SLC2A2: variants seen among roughly 807,000 people sequenced by gnomAD.
SLC2A2 encodes the protein solute carrier family 2 member 2.
SLC2A2 carries 36 observed loss-of-function variants against 54.5 expected under a neutral mutation model. The observed-to-expected ratio is 0.66, with a 90% CI of 0.51 to 0.87. SLC2A2 has a LOEUF of 0.87. Among genes scored for constraint, SLC2A2 ranks in the 40% least tolerant of loss-of-function variants. SLC2A2 has a pLI of 0.00. For missense variants in SLC2A2, 543 were observed against 624.3 expected (o/e 0.87, Z 1.39); for synonymous variants, 223 against 219.1 (o/e 1.02, Z -0.16).
chr3:171,007,163 G>A lies in SLC2A2; in HGVS notation c.597C>T (p.Gly199=), dbSNP rs528729853. The change falls in exon 5 of 11, where the codon GGC becomes GGT. Residue 199 remains glycine, a synonymous_variant. Transcript: ENST00000314251. ...GTFHQLAIVT[G]ILISQIIGLE... ...GAGTTTTTACCTGACTAATAAGAATGCCCGTGACGATGGCCAGCTGATGAA... is the reference window on the plus strand; with the variant it reads ...GAGTTTTTACCTGACTAATAAGAATACCCGTGACGATGGCCAGCTGATGAA... The A allele has an allele frequency of 6.8e-6, 11 of 1,609,180 alleles. No individual in the cohort carries two copies. In the African/African-American group the frequency reaches 9.4e-5, roughly 14 times the overall value.
chr3:171,018,712 G>C (rs1021443263), intron 1 of SLC2A2, 89 bp from the exon 2 acceptor site: 2 of 839,374 alleles, frequency 2.4e-6, no homozygotes, highest in Non-Finnish European at 4.1e-6. Flanking sequence ...CTTCTTACAG[G>C]CTCCACAGGC....
At chr3:171,024,138 G>A (rs1050711422) in intron 1 of SLC2A2, among the ~76,000 whole-genome samples, 1 of 152,110 alleles carries the variant, frequency 6.6e-6, no homozygotes, top group East Asian at 1.9e-4. Flanking sequence ...TATAAAATGG[G>A]TATAAAACTA....
At position 171,005,348 on chromosome 3, in the gene SLC2A2, G is replaced by A. The variant is rs916787456; in HGVS notation, c.900C>T (p.Tyr300=). The part of the protein sequence containing the change: ...SIIQLFTNSS[Y]RQPILVALML... Reference sequence around the variant, plus strand: ...TCAGTGCCACTAGAATAGGCTGTCGGTAGCTGGAATTGGTGAAGAGCTGAA... The same window carrying A: ...TCAGTGCCACTAGAATAGGCTGTCGATAGCTGGAATTGGTGAAGAGCTGAA... Residue 300 remains tyrosine, a synonymous_variant, in exon 7 of 11, where the codon TAC becomes TAT. Transcript: ENST00000314251. 2 of 1,612,914 alleles carry A rather than the reference G, an allele frequency of 1.2e-6. No individual in the cohort carries two copies. Among genetic ancestry groups the A allele is most frequent in the African/African-American group, 2.7e-5 (2 of 74,818 alleles).
At chr3:170,998,571 C>G (rs755428536) in intron 9 of SLC2A2, among the ~76,000 whole-genome samples, 175 bp from the exon 10 acceptor site, 16 of 152,122 alleles carry the variant, frequency 1.1e-4, no homozygotes, top group Admixed American at 2.0e-4. Context: ...TCATGCATAA[C>G]TCTTTAGATT....
At chr3:171,001,355 T>C (rs529654345) in intron 8 of SLC2A2, among the ~76,000 whole-genome samples, 1 of 152,148 alleles carries the variant, frequency 6.6e-6, no homozygotes, top group Non-Finnish European at 1.5e-5. Context: ...CAGGTCTTGA[T>C]TGATTTAGAG....
intron 3 of SLC2A2, 40 bp from the exon 4 acceptor site, chr3:171,010,122 A>T (rs750750720): frequency 1.9e-6 from 3 of 1,599,682 alleles, no homozygotes; most frequent in Non-Finnish European, 2.6e-6. Context: ...TTCAGCATCA[A>T]AACTTGCTAA....
intron 10 of SLC2A2, 44 bp downstream of exon 10, chr3:170,998,149 C>A (rs750265945): frequency 4.3e-6 from 7 of 1,612,922 alleles, no homozygotes; most frequent in Non-Finnish European, 5.9e-6. Flanking sequence ...GTTTTTTGAC[C>A]CTCTCTTCTG....
chr3:171,019,063 G>GTGTGTGTGTGTGTATATATATA lies in SLC2A2; in HGVS notation c.16-462_16-441dup, dbSNP rs1246689797. Among the ~76,000 whole-genome samples, 18 of 126,260 alleles carry GTGTGTGTGTGTGTATATATATA rather than the reference G, an allele frequency of 1.4e-4. 1 individual carries two copies. In the East Asian group the frequency reaches 1.9e-3, roughly 13 times the overall value. The allele number at this position is 126,260 out of a possible 152,430, so 82.8% of individuals were successfully genotyped here. Reference sequence around the variant, plus strand: ...TATATATATATTTGTTGATATGTGTGTGTGTGTGTGTGTATATATATATGT... The same window carrying GTGTGTGTGTGTGTATATATATA: ...TATATATATATTTGTTGATATGTGTGTGTGTGTGTGTGTATATATATATGTGTGTGTGTGTATATATATATGT... On this transcript the variant is annotated intron_variant, in intron 1 of 10. Coordinates refer to ENST00000314251, the MANE Select transcript of SLC2A2 (RefSeq NM_000340.2).
chr3:171,016,164 C>T lies in SLC2A2; in HGVS notation c.109-1433G>A, dbSNP rs190563400. ...AAGACATTTGTCTCAGACTGGGTGCCGTAGCTCATGCCTGTAATCTAGCAC... is the reference window on the plus strand; with the variant it reads ...AAGACATTTGTCTCAGACTGGGTGCTGTAGCTCATGCCTGTAATCTAGCAC... On this transcript the variant is annotated intron_variant, in intron 2 of 10. Transcript: ENST00000314251. Among the ~76,000 whole-genome samples, 382 of 152,196 alleles carry T rather than the reference C, an allele frequency of 2.5e-3. 7 individuals are homozygous for T. The highest frequency in any genetic ancestry group is 6.6e-4 in the Non-Finnish European group (45 of 68,004).
At chr3:171,005,000 AT>A (rs55754670) in intron 7 of SLC2A2, among the ~76,000 whole-genome samples, 9 of 151,572 alleles carry the variant, frequency 5.9e-5, no homozygotes, top group Non-Finnish European at 1.2e-4. Context: ...TTGTATAATT[AT>A]TCTCCTTTTC....
At chr3:171,016,916 G>C (rs1266696315) in intron 2 of SLC2A2, among the ~76,000 whole-genome samples, 2 of 150,348 alleles carry the variant, frequency 1.3e-5, no homozygotes, top group Non-Finnish European at 3.0e-5. Flanking sequence ...TGCAATGTGC[G>C]ATTGCAGCTC....
rs769888108 is a variant in SLC2A2 at position 171,014,600 on chromosome 3, AG to A, written c.239del (p.Pro80LeufsTer13). ...ISYSMNPKPT[P>X]WAEEETVAAA... ...CTGCCACAGTCTCTTCCTCAGCCCA[AG>A]GGGTTGGTTTTGGGTTCATTGAGTA... is the stretch of plus-strand genomic sequence containing the variant. On this transcript the variant is annotated frameshift_variant, in exon 3 of 11. Coordinates refer to ENST00000314251, the MANE Select transcript of SLC2A2 (RefSeq NM_000340.2). LOFTEE classifies it high-confidence loss of function. 9.9e-6 allele frequency: 16 copies of A among 1,613,988 alleles called. No individual in the cohort carries two copies. The Admixed American group carries it at 2.7e-4, about 27-fold the overall frequency.
chr3:170,996,359 A>G lies in SLC2A2; in HGVS notation c.*1544T>C. 2.8e-6 allele frequency: 1 copy of G among 360,242 alleles called. No homozygotes were observed. The highest frequency in any genetic ancestry group is 5.0e-6 in the Non-Finnish European group (1 of 201,448). The allele number at this position is 360,242 out of a possible 1,614,324, so 22.3% of individuals were successfully genotyped here. On this transcript the variant is annotated 3_prime_UTR_variant, in exon 11 of 11. Transcript: ENST00000314251. ...AAACAAATCACACTGAAAAGAAACA[A>G]TTTCTTGTTCTTTGGACTGCTAAAT...
At position 171,014,832 on chromosome 3, in the gene SLC2A2, A is replaced by G. The variant is rs111615367; in HGVS notation, c.109-101T>C. 663 of 913,172 alleles carry G rather than the reference A, an allele frequency of 7.3e-4. 4 individuals carry two copies. In the African/African-American group the frequency reaches 0.01, roughly 14 times the overall value. The allele number at this position is 913,172 out of a possible 1,614,324, so 56.6% of individuals were successfully genotyped here. On this transcript the variant is annotated intron_variant, in intron 2 of 10. Coordinates refer to ENST00000314251, the MANE Select transcript of SLC2A2 (RefSeq NM_000340.2). ...TACGTGTTTAAATAGTACCATCTCA[A>G]TTATGTGTTTTATATACATATAAAC...
At position 170,998,270 on chromosome 3, in the gene SLC2A2, G is replaced by C; in HGVS notation, c.1297C>G (p.Pro433Ala). The C allele has an allele frequency of 6.2e-7, 1 of 1,613,802 alleles. No homozygotes were observed. The highest frequency in any genetic ancestry group is 8.5e-7 in the Non-Finnish European group (1 of 1,179,782). ...AATGCAGCTATTGCTAAAGCAGCAG[G>C]ACGTGGTCCTTGACTGAAAAACTCA... Reference protein sequence around the residue: ...VAEFFSQGPRPAALAIAAFSN... With the variant: ...VAEFFSQGPRAAALAIAAFSN... Residue 433 changes from proline to alanine, a missense_variant, in exon 10 of 11, where the codon CCT (proline) becomes GCT (alanine). Coordinates refer to ENST00000314251, the MANE Select transcript of SLC2A2 (RefSeq NM_000340.2).
chr3:171,022,655 T>C (rs981180664), intron 1 of SLC2A2, among the ~76,000 whole-genome samples: 1 of 152,258 alleles, frequency 6.6e-6, no homozygotes, highest in African/African-American at 2.4e-5. Context: ...TGTCACCTCC[T>C]GCTTCATCCC....
At chr3:170,999,027 A>G in intron 9 of SLC2A2, 38 bp downstream of exon 9, 1 of 1,279,558 alleles carries the variant, frequency 7.8e-7, no homozygotes, top group Non-Finnish European at 1.1e-6. Context: ...GTACCATCAT[A>G]TGTTAATGAA....
At chr3:171,017,676 T>G (rs1225793705) in intron 2 of SLC2A2, among the ~76,000 whole-genome samples, 1 of 152,190 alleles carries the variant, frequency 6.6e-6, no homozygotes, top group Non-Finnish European at 1.5e-5. Flanking sequence ...GCACCAGTGA[T>G]AGGAAGAGGA....
In SLC2A2 at chr3:171,015,763, A is replaced by T. The variant is rs565489012; in HGVS notation, c.109-1032T>A. ...TATATTATTGATGAATTCCTAAGAT[A>T]ACAATAAGTTAGTGGCCCTTGAGAA... On this transcript the variant is annotated intron_variant, in intron 2 of 10. Coordinates refer to ENST00000314251, the MANE Select transcript of SLC2A2 (RefSeq NM_000340.2). Among the ~76,000 whole-genome samples, 11 of 152,322 alleles carry T rather than the reference A, an allele frequency of 7.2e-5. No homozygotes were observed. The South Asian group carries it at 2.3e-3, about 32-fold the overall frequency.
Sources: allele counts gnomAD v4.1 joint callset (sites outside exome capture counted in the v4.1 genomes callset), GRCh38; gene constraint gnomAD v4.1.1; transcripts MANE v1.5; gene names NCBI Gene and HGNC (gene_info 2026-07-23, HGNC 2026-07-21).